TRABD2B: variants seen among roughly 807,000 people sequenced by gnomAD.
TRABD2B encodes metalloprotease TIKI2.
In TRABD2B, 14 loss-of-function variants were observed where a neutral mutation model predicts 40.1. The ratio of observed to expected loss-of-function variants is 0.35; its 90% CI spans 0.23 to 0.55. The LOEUF (loss-of-function observed/expected upper bound fraction) is 0.55. Ranked by LOEUF, TRABD2B falls within the 20% of genes least tolerant of loss-of-function variation. TRABD2B has a pLI of 0.90. For missense variants in TRABD2B, 541 were observed against 648.6 expected (o/e 0.83, Z 1.80); for synonymous variants, 263 against 277.0 (o/e 0.95, Z 0.50).
intron 4 of TRABD2B, among the ~76,000 whole-genome samples, chr1:47,783,048 C>A (rs959496274): frequency 6.6e-6 from 1 of 151,676 alleles, no homozygotes; most frequent in Non-Finnish European, 1.5e-5. Context: ...GGGGGGGTTG[C>A]GGCACACAGA....
At chr1:47,865,849 C>T (rs1557623198) in intron 2 of TRABD2B, among the ~76,000 whole-genome samples, 1 of 152,014 alleles carries the variant, frequency 6.6e-6, no homozygotes, top group Non-Finnish European at 1.5e-5. Flanking sequence ...AAGGATGTTA[C>T]CATGCACTCA....
At chr1:47,829,326 G>C (rs1317743772) in intron 2 of TRABD2B, among the ~76,000 whole-genome samples, 1 of 152,094 alleles carries the variant, frequency 6.6e-6, no homozygotes. Context: ...CCCTGGGAGA[G>C]GGGCTCAGTT....
At chr1:47,858,090 CTT>C (rs1400788279) in intron 2 of TRABD2B, among the ~76,000 whole-genome samples, 2 of 152,026 alleles carry the variant, frequency 1.3e-5, no homozygotes, top group Non-Finnish European at 2.9e-5. Context: ...ATAAATCAAA[CTT>C]TATCATACGT....
At chr1:47,911,880 A>C (rs964581276) in intron 2 of TRABD2B, among the ~76,000 whole-genome samples, 12 of 152,234 alleles carry the variant, frequency 7.9e-5, no homozygotes, top group African/African-American at 2.9e-4. Flanking sequence ...TGTGACACGC[A>C]GGTTTCATGC....
intron 4 of TRABD2B, among the ~76,000 whole-genome samples, chr1:47,785,560 C>T (rs182246225): frequency 4.3e-4 from 66 of 152,336 alleles, no homozygotes; most frequent in African/African-American, 1.5e-3. Context: ...GAGGAGCAAC[C>T]CTGCTGAGGC....
intron 2 of TRABD2B, among the ~76,000 whole-genome samples, chr1:47,848,269 T>C (rs1454729772): frequency 1.3e-5 from 2 of 152,294 alleles, no homozygotes; most frequent in East Asian, 3.9e-4. Context: ...TAGGTGTGAT[T>C]TCTATAATGG....
chr1:47,834,577 GCGCA>G (rs1285500546), intron 2 of TRABD2B, among the ~76,000 whole-genome samples: 3,582 of 142,442 alleles, frequency 0.025, 110 homozygotes, highest in Admixed American at 0.1. Flanking sequence ...ACACACACAC[GCGCA>G]CACACACACA....
At position 47,996,084 on chromosome 1, in the gene TRABD2B, G is replaced by A. The variant is rs1258354208; in HGVS notation, c.102+604C>T. ...AGAAATATTAGGCCAGTATGTCCTG[G>A]CATTGCCTTTTCCTCTCCTCTGAAA... On this transcript the variant is annotated intron_variant, in intron 1 of 6. Coordinates refer to ENST00000606738, the MANE Select transcript of TRABD2B (RefSeq NM_001194986.2). This position sits in a 1 kb window ranked among gnomAD's most constrained non-coding sequence, Gnocchi z 4.6. Among the ~76,000 whole-genome samples the A allele has an allele frequency of 6.6e-6, 1 of 152,158 alleles. No homozygotes were observed. The highest frequency in any genetic ancestry group is 2.4e-5 in the African/African-American group (1 of 41,412).
chr1:47,787,980 A>T (rs887520179), intron 4 of TRABD2B, among the ~76,000 whole-genome samples: 3 of 152,066 alleles, frequency 2.0e-5, no homozygotes, highest in African/African-American at 7.2e-5. Flanking sequence ...AGCTGGATGG[A>T]TTTTTTAGGG....
At chr1:47,840,367 A>G (rs1452778602) in intron 2 of TRABD2B, among the ~76,000 whole-genome samples, 3 of 152,142 alleles carry the variant, frequency 2.0e-5, no homozygotes, top group Non-Finnish European at 4.4e-5. Context: ...AGATTCAGTA[A>G]CTTGTTCAAG....
intron 2 of TRABD2B, among the ~76,000 whole-genome samples, chr1:47,889,026 T>A (rs2124644937): frequency 6.6e-6 from 1 of 152,128 alleles, no homozygotes; most frequent in Non-Finnish European, 1.5e-5. Context: ...CTCTCTGGAG[T>A]AATTTGTATG....
intron 2 of TRABD2B, among the ~76,000 whole-genome samples, chr1:47,918,367 G>A (rs1644857032): frequency 6.6e-6 from 1 of 152,176 alleles, no homozygotes; most frequent in Admixed American, 6.5e-5. Context: ...TGTCAACAAT[G>A]GTGACACAGA....
At chr1:47,791,220 G>A (rs1462096206) in intron 4 of TRABD2B, among the ~76,000 whole-genome samples, 1 of 152,156 alleles carries the variant, frequency 6.6e-6, no homozygotes, top group African/African-American at 2.4e-5. Flanking sequence ...ACCTTCACAT[G>A]CTTGGCCCCA....
chr1:47,968,406 T>C (rs946918327), intron 2 of TRABD2B, among the ~76,000 whole-genome samples: 28 of 152,200 alleles, frequency 1.8e-4, no homozygotes, highest in Non-Finnish European at 3.4e-4. Flanking sequence ...GGCCAGGACC[T>C]TGGGAGTGAG....
intron 6 of TRABD2B, 65 bp downstream of exon 6, chr1:47,775,104 GT>G: frequency 2.4e-6 from 3 of 1,228,464 alleles, no homozygotes; most frequent in Non-Finnish European, 3.0e-6. Flanking sequence ...GCTGTGGGGG[GT>G]TCAGGGTATA....
At chr1:47,965,403 A>C (rs1645588556) in intron 2 of TRABD2B, among the ~76,000 whole-genome samples, 1 of 151,572 alleles carries the variant, frequency 6.6e-6, no homozygotes, top group Non-Finnish European at 1.5e-5. Flanking sequence ...AAAAAAAAAA[A>C]TCTCCTTGGG....
At chr1:47,772,703 C>T (rs1428391282) in intron 6 of TRABD2B, among the ~76,000 whole-genome samples, 1 of 152,138 alleles carries the variant, frequency 6.6e-6, no homozygotes, top group Non-Finnish European at 1.5e-5. Context: ...GAGCTCTCAT[C>T]TGCTTCTCTT....
intron 2 of TRABD2B, among the ~76,000 whole-genome samples, chr1:47,914,986 G>A (rs1644811259): frequency 6.6e-6 from 1 of 152,210 alleles, no homozygotes. Context: ...AGACAGACAT[G>A]AAAGCAGCCC....
intron 2 of TRABD2B, among the ~76,000 whole-genome samples, chr1:47,851,460 A>G (rs1645548688): frequency 1.3e-5 from 2 of 152,166 alleles, no homozygotes; most frequent in South Asian, 4.1e-4. Flanking sequence ...AGAGTGGGAC[A>G]TGGGTGAGGA....
Sources: gnomAD v4.1 joint callset for allele counts (sites outside exome capture counted in the v4.1 genomes callset) on GRCh38, gnomAD v4.1.1 for gene constraint, Gnocchi (gnomAD v3.1) non-coding constraint, MANE v1.5 for transcripts, NCBI Gene and HGNC (gene_info 2026-07-23, HGNC 2026-07-21) for gene names.